SH2D4A: variants seen among roughly 807,000 people sequenced by gnomAD.
SH2D4A encodes the protein SH2 domain-containing protein 4A.
A neutral mutation model predicts 64.7 loss-of-function variants in SH2D4A; 70 were observed. The ratio of observed to expected loss-of-function variants is 1.08; its 90% CI spans 0.89 to 1.32. The LOEUF is 1.32. SH2D4A is among the 40% of genes most tolerant of loss of function. SH2D4A has a pLI of 0.00. For missense variants in SH2D4A, 706 were observed against 540.1 expected, an observed-to-expected ratio of 1.31 and a Z score of -3.04; for synonymous variants, 268 against 200.7, an observed-to-expected ratio of 1.34 and a Z score of -2.83.
Position 19,330,820 on chromosome 8 carries a change from TA to T in SH2D4A, c.182-2127del, listed in dbSNP as rs202065022. 1.7e-3 allele frequency among the ~76,000 whole-genome samples: 251 copies of T among 151,702 alleles called. 1 individual carries two copies. The highest frequency in any genetic ancestry group is 5.0e-3 in the Admixed American group (77 of 15,266). ...TTAGGTGAAGGCTGAGAGGCTGACA[TA>T]AAAAAAATATTATTAGTTGGCCTGA... On this transcript the variant is annotated intron_variant, in intron 2 of 9. Coordinates refer to ENST00000265807, the MANE Select transcript of SH2D4A (RefSeq NM_022071.4).
chr8:19,333,294 A>G (rs2052392873), intron 3 of SH2D4A, among the ~76,000 whole-genome samples, 180 bp downstream of exon 3: 1 of 152,098 alleles, frequency 6.6e-6, no homozygotes, highest in Non-Finnish European at 1.5e-5. Context: ...GACCTTTTGG[A>G]TCTCTTTAGA....
At chr8:19,373,434 ATGTG>A in intron 7 of SH2D4A, 92 bp from the exon 8 acceptor site, 1 of 691,946 alleles carries the variant, frequency 1.4e-6, no homozygotes, top group Non-Finnish European at 2.0e-6. Flanking sequence ...ATGTATATGT[ATGTG>A]TGTGTGTATA....
intron 2 of SH2D4A, among the ~76,000 whole-genome samples, chr8:19,324,641 T>C (rs2052247629): frequency 6.6e-6 from 1 of 152,182 alleles, no homozygotes; most frequent in Non-Finnish European, 1.5e-5. Context: ...CCTGTTTCTT[T>C]TTTCTTCTCT....
chr8:19,317,392 G>A (rs2052107801), intron 1 of SH2D4A, among the ~76,000 whole-genome samples: 1 of 151,378 alleles, frequency 6.6e-6, no homozygotes, highest in Admixed American at 6.6e-5. Flanking sequence ...TCTGGGAAGG[G>A]CGTGATATTA....
At chr8:19,357,707 C>T (rs978704922) in intron 5 of SH2D4A, among the ~76,000 whole-genome samples, 1 of 152,198 alleles carries the variant, frequency 6.6e-6, no homozygotes, top group Non-Finnish European at 1.5e-5. Context: ...TCCACCATGC[C>T]TGGAACCCCT....
intron 7 of SH2D4A, among the ~76,000 whole-genome samples, chr8:19,372,189 A>G (rs1359357593): frequency 6.6e-6 from 1 of 152,172 alleles, no homozygotes; most frequent in Non-Finnish European, 1.5e-5. Flanking sequence ...CCTTCCAGAA[A>G]TTCTAAAGCA....
At chr8:19,393,965 G>A (rs1320132750) in intron 9 of SH2D4A, among the ~76,000 whole-genome samples, 1 of 152,094 alleles carries the variant, frequency 6.6e-6, no homozygotes, top group African/African-American at 2.4e-5. Flanking sequence ...TATATATAAT[G>A]AAATAATTAT....
At chr8:19,355,379 G>C (rs1021386837) in intron 4 of SH2D4A, among the ~76,000 whole-genome samples, 1 of 152,070 alleles carries the variant, frequency 6.6e-6, no homozygotes, top group Non-Finnish European at 1.5e-5. Flanking sequence ...AGTTCACTCT[G>C]TTCCCAAATA....
intron 8 of SH2D4A, among the ~76,000 whole-genome samples, chr8:19,390,228 A>G (rs545987106): frequency 1.3e-5 from 2 of 152,262 alleles, no homozygotes; most frequent in African/African-American, 4.8e-5. Flanking sequence ...TAAAAATACA[A>G]AAATTAGCTG....
intron 8 of SH2D4A, among the ~76,000 whole-genome samples, chr8:19,382,151 A>T (rs915340055): frequency 6.6e-6 from 1 of 152,104 alleles, no homozygotes; most frequent in African/African-American, 2.4e-5. Flanking sequence ...TTCACCATGT[A>T]ACATCCTTGG....
At chr8:19,391,590 C>G (rs992657483) in intron 8 of SH2D4A, among the ~76,000 whole-genome samples, 5 of 152,208 alleles carry the variant, frequency 3.3e-5, no homozygotes, top group African/African-American at 4.8e-5. Flanking sequence ...ACCTGGAGGT[C>G]TCACACTGGG....
chr8:19,387,607 C>T (rs886910422), intron 8 of SH2D4A, among the ~76,000 whole-genome samples: 10 of 152,214 alleles, frequency 6.6e-5, no homozygotes, highest in African/African-American at 2.4e-4. Flanking sequence ...TCTGACACAG[C>T]CAGATCATGA....
At chr8:19,373,970 T>G (rs958747478) in intron 8 of SH2D4A, among the ~76,000 whole-genome samples, 1 of 152,176 alleles carries the variant, frequency 6.6e-6, no homozygotes, top group Non-Finnish European at 1.5e-5. Context: ...TGTTTGTGAC[T>G]TCCATCAAAT....
chr8:19,363,969 C>T (rs1312420225), intron 6 of SH2D4A, 103 bp from the exon 7 acceptor site: 6 of 1,051,554 alleles, frequency 5.7e-6, no homozygotes, highest in South Asian at 3.0e-5. Flanking sequence ...AGACAACAAA[C>T]TGCTGAGAAC....
Position 19,394,532 on chromosome 8 carries a change from G to C in SH2D4A, c.1273-18G>C, listed in dbSNP as rs534680596. The C allele has an allele frequency of 6.3e-7, 1 of 1,581,484 alleles. No homozygotes were observed. Among genetic ancestry groups the C allele is most frequent in the Admixed American group, 1.7e-5 (1 of 58,402 alleles). On this transcript the variant is annotated intron_variant, in intron 9 of 9. Coordinates refer to ENST00000265807, the MANE Select transcript of SH2D4A (RefSeq NM_022071.4). ...GTCACTACTTACACTATCTGACCCC[G>C]TGCCTTCTGATTGACAGGAGGAACC...
chr8:19,348,087 T>C (rs1423934991), intron 4 of SH2D4A, among the ~76,000 whole-genome samples: 1 of 152,170 alleles, frequency 6.6e-6, no homozygotes, highest in Non-Finnish European at 1.5e-5. Context: ...TTTTCAGTTT[T>C]TGTGTGCGTG....
chr8:19,361,114 C>T (rs201969393), intron 5 of SH2D4A, 89 bp from the exon 6 acceptor site: 9 of 666,342 alleles, frequency 1.4e-5, no homozygotes, highest in Non-Finnish European at 2.3e-5. Flanking sequence ...CCGGGTACCC[C>T]GTCCTTCAGG....
Position 19,363,332 on chromosome 8 carries a change from C to T in SH2D4A, c.707-740C>T, listed in dbSNP as rs1340594699. ...CCTCAGGTGACCCACCGACCTTGGC[C>T]TCTCAAAGTGCAGGTATTACAGGTA... is the stretch of plus-strand genomic sequence containing the variant. On this transcript the variant is annotated intron_variant, in intron 6 of 9. Coordinates refer to ENST00000265807, the MANE Select transcript of SH2D4A (RefSeq NM_022071.4). Among the ~76,000 whole-genome samples, 4 of 152,120 alleles carry T rather than the reference C, an allele frequency of 2.6e-5. No homozygotes were observed. The East Asian group carries it at 5.8e-4, about 22-fold the overall frequency.
intron 7 of SH2D4A, among the ~76,000 whole-genome samples, chr8:19,368,713 A>G (rs1028726156): frequency 3.5e-5 from 5 of 143,820 alleles, no homozygotes; most frequent in Non-Finnish European, 7.6e-5. Flanking sequence ...CCTGAATTTT[A>G]TCAGGACTAA....
Sources: allele counts gnomAD v4.1 joint callset (sites outside exome capture counted in the v4.1 genomes callset), GRCh38; gene constraint gnomAD v4.1.1; transcripts MANE v1.5; gene names NCBI Gene and HGNC (gene_info 2026-07-23, HGNC 2026-07-21).